Variants in SMARCC1 observed in about 807,000 individuals in gnomAD.
SMARCC1 encodes SWI/SNF related BAF chromatin remodeling complex subunit C1.
SMARCC1 carries 43 observed loss-of-function variants against 147.4 expected under a neutral mutation model. The observed-to-expected ratio is 0.29, with a 90% CI of 0.23 to 0.38. The LOEUF (loss-of-function observed/expected upper bound fraction) is 0.38. Among genes scored for constraint, SMARCC1 ranks in the 10% least tolerant of loss-of-function variants. SMARCC1 has a pLI of 1.00. For synonymous variants in SMARCC1, 495 were observed against 484.4 expected (o/e 1.02, Z -0.29); for missense variants, 1,119 against 1,381.1 (o/e 0.81, Z 3.01).
At chr3:47,670,773 T>C (rs1576405817) in intron 18 of SMARCC1, 56 bp from the exon 19 acceptor site, 1 of 1,021,476 alleles carries the variant, frequency 9.8e-7, no homozygotes, top group East Asian at 2.4e-5. Flanking sequence ...AAGATGGAGC[T>C]CAGTAGAATT....
Position 47,724,117 on chromosome 3 carries a change from G to A in SMARCC1, c.647-3382C>T, listed in dbSNP as rs948151279. Among the ~76,000 whole-genome samples the A allele has an allele frequency of 7.2e-5, 11 of 152,176 alleles. No individual in the cohort carries two copies. The East Asian group carries it at 1.7e-3, about 24-fold the overall frequency. Reference sequence around the variant, plus strand: ...AGGGTCCTCAAAACAATTAAAAACAGTATTACCATACGATCTAGCAATTCC... The same window carrying A: ...AGGGTCCTCAAAACAATTAAAAACAATATTACCATACGATCTAGCAATTCC... On this transcript the variant is annotated intron_variant, in intron 6 of 27. Coordinates refer to ENST00000254480, the MANE Select transcript of SMARCC1 (RefSeq NM_003074.4).
intron 24 of SMARCC1, among the ~76,000 whole-genome samples, chr3:47,625,329 A>G (rs555779658): frequency 3.3e-5 from 5 of 152,174 alleles, no homozygotes; most frequent in African/African-American, 1.2e-4. Flanking sequence ...ATTTTAAAAA[A>G]AGAAAGGAAA....
chr3:47,597,541 T>C (rs996542445), intron 26 of SMARCC1, among the ~76,000 whole-genome samples: 1 of 152,108 alleles, frequency 6.6e-6, no homozygotes, highest in Non-Finnish European at 1.5e-5. Context: ...TTAGCCAGGA[T>C]GGTCTCGATT....
At chr3:47,652,009 G>A (rs746651450) in intron 21 of SMARCC1, among the ~76,000 whole-genome samples, 9 of 152,128 alleles carry the variant, frequency 5.9e-5, no homozygotes, top group Non-Finnish European at 1.0e-4. Flanking sequence ...ACATGGTCTC[G>A]CTTAGTCACC....
At chr3:47,678,870 T>G (rs1392499788) in intron 15 of SMARCC1, among the ~76,000 whole-genome samples, 1 of 152,238 alleles carries the variant, frequency 6.6e-6, no homozygotes, top group African/African-American at 2.4e-5. Context: ...GCTCTCAACC[T>G]CTGCTGCCTA....
intron 11 of SMARCC1, among the ~76,000 whole-genome samples, chr3:47,693,829 A>C (rs1362042951): frequency 1.3e-5 from 2 of 151,956 alleles, no homozygotes; most frequent in Non-Finnish European, 2.9e-5. Flanking sequence ...CACCTAGTTA[A>C]TTTTTGTATT....
intron 25 of SMARCC1, among the ~76,000 whole-genome samples, chr3:47,619,216 G>A (rs1046493576): frequency 4.6e-5 from 7 of 152,088 alleles, no homozygotes; most frequent in Admixed American, 2.6e-4. Flanking sequence ...CTGTATTGTC[G>A]TTATTTGTTG....
chr3:47,693,250 C>T lies in SMARCC1; in HGVS notation c.1216G>A (p.Ala406Thr). ...ENTPVKGGTV[A>T]DLDEQDEETV... ...GATTTTAGGTGCTTACCTAGATCCG[C>T]TACAGTTCCTCCTTTAACAGGTGTA... The change falls in exon 12 of 28, where the codon GCG becomes ACG. Residue 406 changes from alanine to threonine, a missense_variant. Physicochemically the swap from Ala to Thr is moderately conservative, Grantham distance 58. Around this residue, in one of 6 missense-constraint regions of SMARCC1, gnomAD observed 542 missense variants for 611.8 expected, o/e 0.89. Transcript: ENST00000254480. The T allele has an allele frequency of 1.9e-6, 3 of 1,582,970 alleles. No individual in the cohort carries two copies. The highest frequency in any genetic ancestry group is 2.6e-6 in the Non-Finnish European group (3 of 1,151,780).
At chr3:47,778,140 G>A (rs564455154) in intron 1 of SMARCC1, among the ~76,000 whole-genome samples, 3 of 141,204 alleles carry the variant, frequency 2.1e-5, no homozygotes, top group African/African-American at 8.1e-5. Flanking sequence ...TTGGGAGGCC[G>A]AGGTCACACC....
chr3:47,588,582 C>T (rs919874822), intron 27 of SMARCC1, among the ~76,000 whole-genome samples: 4 of 152,026 alleles, frequency 2.6e-5, no homozygotes, highest in East Asian at 1.9e-4. Flanking sequence ...TTCCAAGAAT[C>T]GCTCCAGGCC....
intron 6 of SMARCC1, among the ~76,000 whole-genome samples, chr3:47,728,408 C>T (rs2034326666): frequency 6.6e-6 from 1 of 152,050 alleles, no homozygotes; most frequent in African/African-American, 2.4e-5. Flanking sequence ...TAAGAACCAC[C>T]TGACATTGCT....
chr3:47,756,737 T>C (rs1251456713), intron 2 of SMARCC1, among the ~76,000 whole-genome samples: 1 of 152,110 alleles, frequency 6.6e-6, no homozygotes, highest in Non-Finnish European at 1.5e-5. Context: ...TTTCACACAA[T>C]AGCAGCAAAA....
intron 12 of SMARCC1, among the ~76,000 whole-genome samples, chr3:47,690,529 T>C (rs897765220): frequency 1.3e-5 from 2 of 152,094 alleles, no homozygotes; most frequent in Non-Finnish European, 1.5e-5. Flanking sequence ...AGAAAGCCAC[T>C]ATGAACATGA....
At position 47,656,615 on chromosome 3, in the gene SMARCC1, C is replaced by T. The variant is rs78513377; in HGVS notation, c.2320+4679G>A. ...AAAGTAACAAGATGGAAAAGTAAAT[C>T]GATGTAAACAGAAACCAGGTCTGGC... On this transcript the variant is annotated intron_variant, in intron 21 of 27. Transcript: ENST00000254480. Among the ~76,000 whole-genome samples, 726 of 152,010 alleles carry T rather than the reference C, an allele frequency of 4.8e-3. 7 individuals are homozygous for T. Among genetic ancestry groups the T allele is most frequent in the African/African-American group, 0.016 (681 of 41,456 alleles).
At position 47,738,108 on chromosome 3, in the gene SMARCC1, C is replaced by T. The variant is rs770767742; in HGVS notation, c.404G>A (p.Arg135Gln). The T allele has an allele frequency of 3.2e-6, 5 of 1,540,102 alleles. No individual in the cohort carries two copies. Among genetic ancestry groups the T allele is most frequent in the Non-Finnish European group, 4.4e-6 (5 of 1,145,732 alleles). The change falls in exon 4 of 28, where the codon CGG becomes CAG. Residue 135 changes from arginine to glutamine, a missense_variant and splice_region_variant. Physicochemically the swap from Arg to Gln is conservative, Grantham distance 43 (BLOSUM62 1). This residue lies in a region of SMARCC1 where 542 missense variants were observed against 611.8 expected (regional missense o/e 0.89). Transcript: ENST00000254480. ...AGATGGGTTCTGTAGGTCAAACCTC[C>T]GCCTAAAAAAAAAGAAAAACCCTAG... is the stretch of plus-strand genomic sequence containing the variant. ...AYKYKNEQGW[R>Q]RFDLQNPSRM...
chr3:47,630,173 TG>T (rs2032868165), intron 24 of SMARCC1, among the ~76,000 whole-genome samples: 1 of 1,674 alleles, frequency 6.0e-4, no homozygotes, highest in Non-Finnish European at 1.4e-3. Flanking sequence ...TGGGGCAGGG[TG>T]GGGGTGGGGG....
At chr3:47,698,574 G>C (rs2033882860) in intron 11 of SMARCC1, among the ~76,000 whole-genome samples, 1 of 151,204 alleles carries the variant, frequency 6.6e-6, no homozygotes, top group Non-Finnish European at 1.5e-5. Flanking sequence ...CCACATACTA[G>C]GAAAAAATAA....
At chr3:47,773,586 A>G (rs1365381071) in intron 1 of SMARCC1, among the ~76,000 whole-genome samples, 1 of 152,068 alleles carries the variant, frequency 6.6e-6, no homozygotes, top group Non-Finnish European at 1.5e-5. Flanking sequence ...TTATTTGGCA[A>G]TTACATGTTC....
At chr3:47,602,168 G>A (rs747397101) in intron 26 of SMARCC1, among the ~76,000 whole-genome samples, 6 of 152,116 alleles carry the variant, frequency 3.9e-5, no homozygotes, top group Non-Finnish European at 7.4e-5. Context: ...GCACATGCCT[G>A]TAAGTCCCAG....
Sources: allele counts gnomAD v4.1 joint callset (sites outside exome capture counted in the v4.1 genomes callset), GRCh38; gene constraint gnomAD v4.1.1; regional missense constraint gnomAD v4.1.1; transcripts MANE v1.5; gene names NCBI Gene and HGNC (gene_info 2026-07-23, HGNC 2026-07-21).